The following ESR1 variants were observed in gnomAD, a reference collection of about 807,000 sequenced individuals.
ESR1 encodes the protein estrogen receptor 1, also known as estrogen receptor.
ESR1 carries 12 observed loss-of-function variants against 52.7 expected under a neutral mutation model. That is an observed-to-expected ratio of 0.23 (90% CI 0.15 to 0.37). The LOEUF (loss-of-function observed/expected upper bound fraction) is 0.37. ESR1 is among the 10% of genes least tolerant of loss of function. The probability of loss-of-function intolerance (pLI) is 1.00; values close to 1 mark genes in which losing one functional copy is unlikely to be tolerated. For missense variants in ESR1, 584 were observed against 779.7 expected (o/e 0.75, Z 2.99); for synonymous variants, 305 against 316.8 (o/e 0.96, Z 0.39).
chr6:151,852,806 A>G (rs373639508), intron 2 of ESR1, among the ~76,000 whole-genome samples: 4 of 152,198 alleles, frequency 2.6e-5, no homozygotes, highest in African/African-American at 9.6e-5. Flanking sequence ...GGCTGAGGGC[A>G]GCAGAGTTTT....
At chr6:151,947,379 G>A (rs1289823981) in intron 4 of ESR1, among the ~76,000 whole-genome samples, 1 of 152,100 alleles carries the variant, frequency 6.6e-6, no homozygotes, top group African/African-American at 2.4e-5. Context: ...CAAAATTTCA[G>A]TTCTAGAAAT....
chr6:151,970,420 G>C (rs1403718196), intron 4 of ESR1, among the ~76,000 whole-genome samples: 2 of 152,064 alleles, frequency 1.3e-5, no homozygotes, highest in African/African-American at 2.4e-5. Flanking sequence ...AAAATTTGTA[G>C]GGAAGCAAAT....
At chr6:151,827,468 T>C (rs1040702020) in intron 1 of ESR1, among the ~76,000 whole-genome samples, 2 of 151,918 alleles carry the variant, frequency 1.3e-5, no homozygotes, top group African/African-American at 4.8e-5. Context: ...GAAAATCCAA[T>C]TAAAGGTTTG....
intron 6 of ESR1, among the ~76,000 whole-genome samples, chr6:152,063,894 C>G (rs763816271): frequency 1.1e-4 from 16 of 152,110 alleles, no homozygotes; most frequent in Non-Finnish European, 2.2e-4. Flanking sequence ...TTATATTGGC[C>G]CCGATTTTGT....
At chr6:151,990,216 T>G (rs969909066) in intron 4 of ESR1, among the ~76,000 whole-genome samples, 1 of 152,062 alleles carries the variant, frequency 6.6e-6, no homozygotes, top group Non-Finnish European at 1.5e-5. Context: ...TGTTTAATTT[T>G]TTTGGTGATA....
chr6:152,003,582 T>C (rs988178266), intron 4 of ESR1, among the ~76,000 whole-genome samples: 2 of 151,912 alleles, frequency 1.3e-5, no homozygotes, highest in African/African-American at 4.8e-5. Flanking sequence ...TGCATGAAGT[T>C]TGTAAGTAGT....
At chr6:151,691,051 A>G (rs765694418) in intron 1 of ESR1, among the ~76,000 whole-genome samples, 2 of 152,248 alleles carry the variant, frequency 1.3e-5, no homozygotes, top group Non-Finnish European at 2.9e-5. Flanking sequence ...TAATTGGACA[A>G]ATCTCAGAGT....
intron 6 of ESR1, chr6:152,122,165 T>G (rs544687967): frequency 6.7e-5 from 33 of 493,610 alleles, no homozygotes; most frequent in Non-Finnish European, 9.9e-5. Context: ...CGGGGAACTT[T>G]GGAGGTCCTT....
intron 4 of ESR1, among the ~76,000 whole-genome samples, chr6:151,970,093 G>T (rs1354565099): frequency 6.6e-6 from 1 of 151,990 alleles, no homozygotes; most frequent in Non-Finnish European, 1.5e-5. Context: ...CCCCCGGAAA[G>T]GCCCTTACCA....
intron 2 of ESR1, among the ~76,000 whole-genome samples, chr6:151,765,426 C>T (rs1262171916): frequency 6.6e-6 from 1 of 152,166 alleles, no homozygotes; most frequent in Admixed American, 6.5e-5. Flanking sequence ...GGCTACATTT[C>T]AAGTGCTTCA....
chr6:152,098,716 G>A lies in ESR1; in HGVS notation c.1554-16G>A, dbSNP rs759867365. 2.5e-6 allele frequency: 4 copies of A among 1,609,942 alleles called. No homozygotes were observed. Among genetic ancestry groups the A allele is most frequent in the Admixed American group, 1.7e-5 (1 of 59,910 alleles). ...TTGGCTCTAAAGTAGTCCTTTCTGTGTCTTCCCACCTACAGTAACAAAGGC... is the reference window on the plus strand; with the variant it reads ...TTGGCTCTAAAGTAGTCCTTTCTGTATCTTCCCACCTACAGTAACAAAGGC... On this transcript the variant is annotated splice_polypyrimidine_tract_variant and intron_variant, in intron 7 of 7. Coordinates refer to ENST00000206249, the MANE Select transcript of ESR1 (RefSeq NM_000125.4). This position sits in a 1 kb window ranked among gnomAD's most constrained non-coding sequence, Gnocchi z 5.1.
chr6:151,899,653 G>A (rs1305951226), intron 3 of ESR1, among the ~76,000 whole-genome samples: 6 of 151,620 alleles, frequency 4.0e-5, no homozygotes, highest in South Asian at 2.1e-4. Flanking sequence ...GGTGGCTGCC[G>A]GGCTGAGGGG....
intron 2 of ESR1, among the ~76,000 whole-genome samples, chr6:151,861,825 C>T (rs1169169622): frequency 6.6e-6 from 1 of 152,022 alleles, no homozygotes; most frequent in Non-Finnish European, 1.5e-5. Context: ...GACAATTAGC[C>T]TTATGCTGAC....
intron 2 of ESR1, among the ~76,000 whole-genome samples, chr6:151,791,251 G>C (rs1277821641): frequency 1.3e-4 from 20 of 152,136 alleles, no homozygotes; most frequent in Admixed American, 1.3e-3. Context: ...ACGTGTCATG[G>C]GAGGGATCCA....
At chr6:152,122,829 A>AC (rs2051797426) in intron 6 of ESR1, among the ~76,000 whole-genome samples, 1 of 152,040 alleles carries the variant, frequency 6.6e-6, no homozygotes, top group South Asian at 2.1e-4. Context: ...TGCCCAGGTC[A>AC]CCCCCCACCA....
At position 152,066,015 on chromosome 6, in the gene ESR1, G is replaced by A. The variant is rs190643026; in HGVS notation, c.1369+4891G>A. The stretch of plus-strand genomic sequence containing the variant: ...GTGTACTTTAGTGTTTAGCAAAAAA[G>A]GGACTATGGAATGTCAAACAGGAAC... On this transcript the variant is annotated intron_variant, in intron 6 of 7. Transcript: ENST00000206249. 2.3e-3 allele frequency among the ~76,000 whole-genome samples: 354 copies of A among 152,300 alleles called. 1 individual carries two copies. Among genetic ancestry groups the A allele is most frequent in the African/African-American group, 8.0e-3 (333 of 41,576 alleles).
At chr6:151,875,606 C>CA (rs1791675549) in intron 2 of ESR1, among the ~76,000 whole-genome samples, 1 of 152,068 alleles carries the variant, frequency 6.6e-6, no homozygotes, top group South Asian at 2.1e-4. Context: ...TGATGAGACA[C>CA]AAACTAAGCA....
At chr6:151,901,198 G>A (rs1033096106) in intron 3 of ESR1, among the ~76,000 whole-genome samples, 8 of 152,252 alleles carry the variant, frequency 5.3e-5, no homozygotes, top group Admixed American at 1.3e-4. Flanking sequence ...CCTCTGCTGC[G>A]TCATGCAGGC....
chr6:151,934,920 A>G (rs2128495228), intron 3 of ESR1, among the ~76,000 whole-genome samples: 1 of 152,308 alleles, frequency 6.6e-6, no homozygotes, highest in African/African-American at 2.4e-5. Context: ...AGAGCCCCAT[A>G]TGTAAACACA....
Sources: gnomAD v4.1 joint callset for allele counts (sites outside exome capture counted in the v4.1 genomes callset) on GRCh38, gnomAD v4.1.1 for gene constraint, Gnocchi (gnomAD v3.1) non-coding constraint, MANE v1.5 for transcripts, NCBI Gene and HGNC (gene_info 2026-07-23, HGNC 2026-07-21) for gene names.